The following L3MBTL3 variants were observed in gnomAD, a reference collection of about 807,000 sequenced individuals.
L3MBTL3 encodes L3MBTL histone methyl-lysine binding protein 3, also known as lethal(3)malignant brain tumor-like protein 3.
Under a neutral mutation model 102.3 loss-of-function variants are expected in L3MBTL3, and 27 were observed. The observed-to-expected ratio is 0.26, with a 90% CI of 0.19 to 0.36. The LOEUF is 0.36. L3MBTL3 is among the 10% of genes least tolerant of loss of function. L3MBTL3 has a pLI of 1.00. For synonymous variants in L3MBTL3, 340 were observed against 320.9 expected, an observed-to-expected ratio of 1.06 and a Z score of -0.64; for missense variants, 798 against 955.3, an observed-to-expected ratio of 0.84 and a Z score of 2.17.
chr6:130,078,543 T>C lies in L3MBTL3; in HGVS notation c.1245-15T>C. 6.3e-7 allele frequency: 1 copy of C among 1,592,614 alleles called. No homozygotes were observed. The highest frequency in any genetic ancestry group is 8.6e-7 in the Non-Finnish European group (1 of 1,163,762). On this transcript the variant is annotated splice_polypyrimidine_tract_variant and intron_variant, in intron 13 of 22. Transcript: ENST00000361794. Reference sequence around the variant, plus strand: ...ATCCTGATAATTGCAGTTTTTTAATTTGTGTAACTTTCAGGTGTGAAGCAT... The same window carrying C: ...ATCCTGATAATTGCAGTTTTTTAATCTGTGTAACTTTCAGGTGTGAAGCAT...
intron 7 of L3MBTL3, among the ~76,000 whole-genome samples, chr6:130,054,728 A>AG (rs1219647554): frequency 6.6e-6 from 1 of 152,172 alleles, no homozygotes; most frequent in Non-Finnish European, 1.5e-5. Flanking sequence ...ACATGGAGTA[A>AG]GGAAGAGGAA....
chr6:130,064,418 T>A (rs1782107122), intron 10 of L3MBTL3, among the ~76,000 whole-genome samples: 1 of 152,046 alleles, frequency 6.6e-6, no homozygotes, highest in South Asian at 2.1e-4. Context: ...GCAGAGCAGT[T>A]CTTGTTGGGG....
At position 130,137,152 on chromosome 6, in the gene L3MBTL3, GACTC is replaced by G. The variant is rs570668066; in HGVS notation, c.2200-2452_2200-2449del. 2.0e-3 allele frequency among the ~76,000 whole-genome samples: 309 copies of G among 152,278 alleles called. 2 individuals carry two copies. The highest frequency in any genetic ancestry group is 6.8e-3 in the African/African-American group (281 of 41,554). ...ATTCATGCCTTTACACTCTGAGAAA[GACTC>G]ACTCAGACAGAGCATGTCACTGTGG... On this transcript the variant is annotated intron_variant, in intron 22 of 22. Transcript: ENST00000361794.
intron 2 of L3MBTL3, among the ~76,000 whole-genome samples, chr6:130,032,040 G>GT (rs1258230299): frequency 6.6e-6 from 1 of 152,068 alleles, no homozygotes; most frequent in East Asian, 1.9e-4. Flanking sequence ...CGCCTCCCGA[G>GT]TAGCTGAGAC....
chr6:130,044,900 T>G (rs1780632492), intron 3 of L3MBTL3, among the ~76,000 whole-genome samples: 3 of 152,180 alleles, frequency 2.0e-5, no homozygotes, highest in African/African-American at 7.2e-5. Flanking sequence ...TTCTCTCACT[T>G]CATTCTTTGC....
At chr6:130,122,056 G>A (rs1786255192) in intron 20 of L3MBTL3, among the ~76,000 whole-genome samples, 1 of 152,102 alleles carries the variant, frequency 6.6e-6, no homozygotes, top group African/African-American at 2.4e-5. Flanking sequence ...AAGCAATGAA[G>A]TTGTAATAAC....
In L3MBTL3 at chr6:130,134,034, G is replaced by A. The variant is rs978907879; in HGVS notation, c.2199+129G>A. 8 of 697,976 alleles carry A rather than the reference G, an allele frequency of 1.1e-5. No homozygotes were observed. The African/African-American group carries it at 1.4e-4, about 12-fold the overall frequency. 43.2% of individuals were successfully genotyped at this position (697,976 alleles called of 1,614,324 possible). A position where few individuals can be genotyped will look rare whatever the true frequency, so the allele number is the denominator to read the frequency against. ...GGTGTGTTGAAATTGACAAATTGAT[G>A]TATACTAACAGGCAGTATGAATCAG... On this transcript the variant is annotated intron_variant, in intron 22 of 22. Transcript: ENST00000361794.
intron 1 of L3MBTL3, among the ~76,000 whole-genome samples, chr6:130,019,054 G>A (rs1463550603): frequency 3.9e-5 from 6 of 152,110 alleles, no homozygotes; most frequent in Admixed American, 1.3e-4. Flanking sequence ...CGCACACGGG[G>A]AAGGGTGTGG....
At chr6:130,121,927 T>A (rs993906773) in intron 20 of L3MBTL3, among the ~76,000 whole-genome samples, 2 of 152,158 alleles carry the variant, frequency 1.3e-5, no homozygotes, top group Admixed American at 1.3e-4. Context: ...ATGCCTGTAG[T>A]CCCAGCTACT....
intron 8 of L3MBTL3, among the ~76,000 whole-genome samples, chr6:130,056,686 G>T (rs1246439031): frequency 6.6e-6 from 1 of 152,002 alleles, no homozygotes; most frequent in East Asian, 1.9e-4. Context: ...CATTTCCCCT[G>T]CCCTTCTTTT....
chr6:130,023,679 C>G (rs1009967330), intron 2 of L3MBTL3, among the ~76,000 whole-genome samples: 1 of 152,110 alleles, frequency 6.6e-6, no homozygotes, highest in Non-Finnish European at 1.5e-5. Flanking sequence ...CAAATAAAAT[C>G]AGATTTTGAG....
At chr6:130,028,440 C>T (rs1180702135) in intron 2 of L3MBTL3, among the ~76,000 whole-genome samples, 1 of 152,228 alleles carries the variant, frequency 6.6e-6, no homozygotes, top group African/African-American at 2.4e-5. Flanking sequence ...GGTGTCTCCT[C>T]TGCAGGGATG....
chr6:130,028,437 C>G (rs1779494887), intron 2 of L3MBTL3, among the ~76,000 whole-genome samples: 1 of 152,158 alleles, frequency 6.6e-6, no homozygotes, highest in Non-Finnish European at 1.5e-5. Flanking sequence ...TCAGGTGTCT[C>G]CTCTGCAGGG....
At chr6:130,073,181 G>A (rs950989288) in intron 13 of L3MBTL3, among the ~76,000 whole-genome samples, 2 of 152,126 alleles carry the variant, frequency 1.3e-5, no homozygotes, top group African/African-American at 4.8e-5. Flanking sequence ...GCCAAGGTGG[G>A]AGATCACTTG....
At chr6:130,074,641 C>T (rs1017910188) in intron 13 of L3MBTL3, among the ~76,000 whole-genome samples, 2 of 152,176 alleles carry the variant, frequency 1.3e-5, no homozygotes, top group African/African-American at 4.8e-5. Flanking sequence ...TTCTTCCAGG[C>T]ACTAGGAAGG....
chr6:130,062,380 A>G (rs1478398798), intron 10 of L3MBTL3, among the ~76,000 whole-genome samples: 1 of 149,564 alleles, frequency 6.7e-6, no homozygotes, highest in East Asian at 1.9e-4. Context: ...ACGCGCGCAC[A>G]CACACACTTT....
chr6:130,036,689 G>A (rs941700100), intron 2 of L3MBTL3, among the ~76,000 whole-genome samples: 18 of 152,072 alleles, frequency 1.2e-4, no homozygotes, highest in African/African-American at 3.6e-4. Flanking sequence ...TATTTGTGGC[G>A]TCTGCATGTC....
chr6:130,088,795 A>C (rs1562300192), intron 16 of L3MBTL3, among the ~76,000 whole-genome samples: 1 of 152,078 alleles, frequency 6.6e-6, no homozygotes, highest in Non-Finnish European at 1.5e-5. Flanking sequence ...ATCAATTTTA[A>C]ATATGGTTTA....
chr6:130,066,988 T>A (rs1396728582), intron 11 of L3MBTL3, among the ~76,000 whole-genome samples: 1 of 152,214 alleles, frequency 6.6e-6, no homozygotes, highest in Admixed American at 6.5e-5. Flanking sequence ...GGGGTTGAAC[T>A]CATAGCAATT....
Sources: allele counts gnomAD v4.1 joint callset (sites outside exome capture counted in the v4.1 genomes callset), GRCh38; gene constraint gnomAD v4.1.1; transcripts MANE v1.5; gene names NCBI Gene and HGNC (gene_info 2026-07-23, HGNC 2026-07-21).